Variants in DLGAP2 observed in about 807,000 individuals in gnomAD.
DLGAP2 encodes the protein disks large-associated protein 2.
DLGAP2 carries 26 observed loss-of-function variants against 100.3 expected under a neutral mutation model. The ratio of observed to expected loss-of-function variants is 0.26; its 90% CI spans 0.19 to 0.36. DLGAP2 has a LOEUF of 0.36. Among genes scored for constraint, DLGAP2 ranks in the 10% least tolerant of loss-of-function variants. The pLI is 1.00. For synonymous variants in DLGAP2, 886 were observed against 630.1 expected, an observed-to-expected ratio of 1.41 and a Z score of -6.08; for missense variants, 1,858 against 1,453.2, an observed-to-expected ratio of 1.28 and a Z score of -4.53.
chr8:1,563,473 G>T (rs2956907), intron 5 of DLGAP2, among the ~76,000 whole-genome samples: 1 of 47,328 alleles, frequency 2.1e-5, no homozygotes, highest in African/African-American at 6.9e-5. Flanking sequence ...TGGGGTGTCC[G>T]CGCCTCGTTA....
At chr8:1,491,077 C>CAAAAAAA (rs386411871) in intron 3 of DLGAP2, among the ~76,000 whole-genome samples, 3 of 64,526 alleles carry the variant, frequency 4.6e-5, no homozygotes, top group East Asian at 5.2e-4. Flanking sequence ...AACTGGAAAC[C>CAAAAAAA]AAAAAAAAAA....
intron 13 of DLGAP2, among the ~76,000 whole-genome samples, chr8:1,695,829 G>A (rs575103737): frequency 4.0e-4 from 61 of 152,354 alleles, no homozygotes; most frequent in African/African-American, 1.4e-3. Flanking sequence ...GGTGCAGAAC[G>A]TGGCCTCCTT....
At chr8:1,553,200 C>G (rs1357181527) in intron 5 of DLGAP2, among the ~76,000 whole-genome samples, 1 of 152,196 alleles carries the variant, frequency 6.6e-6, no homozygotes, top group Non-Finnish European at 1.5e-5. Flanking sequence ...CTCCTTCCCT[C>G]CTGTCCTCAG....
At chr8:1,164,974 A>G (rs62487543) in intron 2 of DLGAP2, among the ~76,000 whole-genome samples, 28,639 of 151,968 alleles carry the variant, frequency 0.19, 2,887 homozygotes, top group Middle Eastern at 0.34. Flanking sequence ...TTATCTTCCC[A>G]TTAGAGAGTC....
chr8:879,578 C>T (rs1036241633), intron 1 of DLGAP2, among the ~76,000 whole-genome samples: 11 of 152,178 alleles, frequency 7.2e-5, no homozygotes, highest in African/African-American at 1.2e-4. Flanking sequence ...CCTCCATCTC[C>T]CCGTTGTCTT....
intron 3 of DLGAP2, among the ~76,000 whole-genome samples, chr8:1,456,448 T>A (rs1798314976): frequency 6.6e-6 from 1 of 152,164 alleles, no homozygotes; most frequent in African/African-American, 2.4e-5. Context: ...GACTTTGGTG[T>A]CTCCTTTGCT....
At chr8:1,167,217 C>T (rs1430984758) in intron 2 of DLGAP2, among the ~76,000 whole-genome samples, 1 of 152,152 alleles carries the variant, frequency 6.6e-6, no homozygotes, top group Admixed American at 6.5e-5. Flanking sequence ...AAAGCACATG[C>T]ATGAAATTCA....
At chr8:1,088,561 A>G (rs1339248126) in intron 2 of DLGAP2, among the ~76,000 whole-genome samples, 1 of 152,156 alleles carries the variant, frequency 6.6e-6, no homozygotes, top group Non-Finnish European at 1.5e-5. Flanking sequence ...ATCATCAGAG[A>G]TTGTAGGAAA....
rs904873009 is a variant in DLGAP2, at chr8:1,623,306, T to C, written c.1443-3434T>C. On this transcript the variant is annotated intron_variant, in intron 6 of 14. Coordinates refer to ENST00000637795, the MANE Select transcript of DLGAP2 (RefSeq NM_001346810.2). ...CCCATCCCGCCCAAGCCTGAGTGCA[T>C]GACCTGGCACCAGTGTGTGATGACC... Among the ~76,000 whole-genome samples, 9 of 152,290 alleles carry C rather than the reference T, an allele frequency of 5.9e-5. No homozygotes were observed. In the East Asian group the frequency reaches 1.5e-3, roughly 26 times the overall value.
chr8:919,683 C>A (rs1026869383), intron 2 of DLGAP2, among the ~76,000 whole-genome samples: 1 of 152,170 alleles, frequency 6.6e-6, no homozygotes, highest in African/African-American at 2.4e-5. Flanking sequence ...GAGGAAACTG[C>A]ACCAGGGAAG....
At chr8:1,045,438 C>T (rs113592558) in intron 2 of DLGAP2, among the ~76,000 whole-genome samples, 2 of 152,274 alleles carry the variant, frequency 1.3e-5, no homozygotes, top group Non-Finnish European at 2.9e-5. Flanking sequence ...GTAAACACTG[C>T]GGAGAGACTA....
chr8:815,017 C>T (rs1288258554), intron 1 of DLGAP2, among the ~76,000 whole-genome samples: 3 of 151,910 alleles, frequency 2.0e-5, no homozygotes, highest in East Asian at 3.9e-4. Flanking sequence ...CATGAGAAAG[C>T]ACAGTTAACG....
At chr8:856,171 A>ATCTTCTTCTTCTTCTTCTTCTTCT (rs55832882) in intron 1 of DLGAP2, among the ~76,000 whole-genome samples, 2 of 126,576 alleles carry the variant, frequency 1.6e-5, no homozygotes, top group African/African-American at 5.7e-5. Flanking sequence ...TAGTGGAAAA[A>ATCTTCTTCTTCTTCTTCTTCTTCT]TCTTCTTCTT....
intron 4 of DLGAP2, among the ~76,000 whole-genome samples, chr8:1,534,132 G>A (rs980419269): frequency 5.3e-5 from 8 of 152,094 alleles, no homozygotes; most frequent in Non-Finnish European, 1.0e-4. Context: ...ACCCAAAACC[G>A]TATAAAAGGT....
intron 3 of DLGAP2, among the ~76,000 whole-genome samples, chr8:1,342,236 C>A (rs551322928): frequency 6.6e-6 from 1 of 152,048 alleles, no homozygotes; most frequent in Non-Finnish European, 1.5e-5. Flanking sequence ...TGTGAGCCAC[C>A]GCACCTGGCC....
intron 3 of DLGAP2, among the ~76,000 whole-genome samples, chr8:1,322,113 C>T (rs1800915115): frequency 6.6e-6 from 1 of 152,098 alleles, no homozygotes; most frequent in South Asian, 2.1e-4. Flanking sequence ...AAAAAAAGTC[C>T]CAACTTGATA....
intron 2 of DLGAP2, among the ~76,000 whole-genome samples, chr8:1,171,510 G>A (rs1797127904): frequency 6.6e-6 from 1 of 151,756 alleles, no homozygotes; most frequent in Non-Finnish European, 1.5e-5. Flanking sequence ...ATTAATGTGT[G>A]GGAGTCTAAG....
chr8:1,171,770 T>C (rs1394500150), intron 2 of DLGAP2, among the ~76,000 whole-genome samples: 1 of 151,814 alleles, frequency 6.6e-6, no homozygotes, highest in African/African-American at 2.4e-5. Flanking sequence ...TTTGAGCCTA[T>C]ATGTGTCTCT....
rs558748603 is a variant in DLGAP2 at position 861,485 on chromosome 8, T to TCATGGATC, written c.19-46425_19-46418dup. Among the ~76,000 whole-genome samples, 287 of 152,318 alleles carry TCATGGATC rather than the reference T, an allele frequency of 1.9e-3. 1 individual carries two copies. Among genetic ancestry groups the TCATGGATC allele is most frequent in the African/African-American group, 6.4e-3 (266 of 41,568 alleles). ...AACAGAAACCAAGAGACCAAACATT[T>TCATGGATC]CATGGATCCGTAGCTCCTGTCGTAT... On this transcript the variant is annotated intron_variant, in intron 1 of 14. Coordinates refer to ENST00000637795, the MANE Select transcript of DLGAP2 (RefSeq NM_001346810.2).
Sources: gnomAD v4.1 joint callset for allele counts (sites outside exome capture counted in the v4.1 genomes callset) on GRCh38, gnomAD v4.1.1 for gene constraint, MANE v1.5 for transcripts, NCBI Gene and HGNC (gene_info 2026-07-23, HGNC 2026-07-21) for gene names.